Variants in TMEM117 observed in about 807,000 individuals in gnomAD.
The protein encoded by TMEM117 is transmembrane protein 117.
A neutral mutation model predicts 52.4 loss-of-function variants in TMEM117; 27 were observed. That is an observed-to-expected ratio of 0.51 (90% confidence interval 0.38 to 0.71). TMEM117 has a LOEUF of 0.71. TMEM117 is among the 30% of genes least tolerant of loss of function. The pLI, the probability that TMEM117 is intolerant of heterozygous loss-of-function variation, is 0.00. For synonymous variants in TMEM117, 215 were observed against 206.3 expected (o/e 1.04, Z -0.36); for missense variants, 556 against 630.5 (o/e 0.88, Z 1.26).
At chr12:44,261,334 C>T (rs925224598) in intron 5 of TMEM117, among the ~76,000 whole-genome samples, 1 of 152,134 alleles carries the variant, frequency 6.6e-6, no homozygotes, top group South Asian at 2.1e-4. Context: ...CACGACTCTG[C>T]CTAACTGGAA....
intron 5 of TMEM117, among the ~76,000 whole-genome samples, chr12:44,243,245 T>C (rs1950086274): frequency 6.6e-6 from 1 of 151,802 alleles, no homozygotes; most frequent in South Asian, 2.1e-4. Context: ...CTCTCTTGTA[T>C]TTATTTGTAT....
At chr12:43,905,177 T>TG (rs1347915098) in intron 2 of TMEM117, among the ~76,000 whole-genome samples, 25 of 152,172 alleles carry the variant, frequency 1.6e-4, no homozygotes, top group African/African-American at 5.8e-4. Context: ...AGCATGTCTG[T>TG]GCCTGTGTAT....
chr12:43,844,780 T>C lies in TMEM117; in HGVS notation c.129T>C (p.Asn43=), dbSNP rs1809069527. 6.2e-7 allele frequency: 1 copy of C among 1,614,186 alleles called. No individual in the cohort carries two copies. The highest frequency in any genetic ancestry group is 1.7e-5 in the Admixed American group (1 of 60,020). The change falls in exon 2 of 8, where the codon AAT becomes AAC. Residue 43 remains asparagine (N), a synonymous_variant. Transcript: ENST00000266534. ...DPVSHSQTEA[N]VIVVGNCFSF... ...TTTCTCATAGCCAAACAGAAGCCAA[T>C]GTTATTGTTGTTGGAAACTGTTTTT... is the stretch of plus-strand genomic sequence containing the variant.
chr12:44,221,766 G>A (rs1456139630), intron 5 of TMEM117, among the ~76,000 whole-genome samples: 1 of 150,868 alleles, frequency 6.6e-6, no homozygotes, highest in South Asian at 2.1e-4. Context: ...TGGCATGATC[G>A]CGGCTCACTG....
intron 4 of TMEM117, among the ~76,000 whole-genome samples, chr12:44,167,426 T>C (rs1242116949): frequency 6.6e-6 from 1 of 152,048 alleles, no homozygotes; most frequent in Non-Finnish European, 1.5e-5. Context: ...CCCAGCACTT[T>C]GGGAGGCCGA....
chr12:43,906,004 C>T (rs1174510324), intron 2 of TMEM117, among the ~76,000 whole-genome samples: 5 of 152,212 alleles, frequency 3.3e-5, no homozygotes, highest in Admixed American at 2.6e-4. Context: ...TTTATACCAG[C>T]ATGCTAAACA....
At chr12:44,104,676 A>AT (rs1947922390) in intron 3 of TMEM117, among the ~76,000 whole-genome samples, 1 of 151,970 alleles carries the variant, frequency 6.6e-6, no homozygotes, top group African/African-American at 2.4e-5. Context: ...CTGGCAACAA[A>AT]TTCCCTCCAT....
At chr12:44,295,348 C>T (rs1246802418) in intron 5 of TMEM117, among the ~76,000 whole-genome samples, 7 of 152,028 alleles carry the variant, frequency 4.6e-5, no homozygotes, top group East Asian at 1.9e-4. Context: ...GGACTGCAGG[C>T]GCAGGCCACT....
upstream of TMEM117, among the ~76,000 whole-genome samples, chr12:43,831,518 A>G (rs1324810048): frequency 1.3e-5 from 2 of 151,602 alleles, no homozygotes; most frequent in Admixed American, 1.3e-4. Context: ...TGAACGGAAA[A>G]ACATCATGTC....
chr12:44,030,485 A>C (rs1466750748), intron 3 of TMEM117, among the ~76,000 whole-genome samples: 1 of 152,238 alleles, frequency 6.6e-6, no homozygotes, highest in Non-Finnish European at 1.5e-5. Flanking sequence ...AGTAAAAGTC[A>C]CTAAGAGTTA....
At position 44,028,485 on chromosome 12, in the gene TMEM117, C is replaced by G. The variant is rs139085165; in HGVS notation, c.410+84143C>G. On this transcript the variant is annotated intron_variant, in intron 3 of 7. Transcript: ENST00000266534. ...CAGCACAAAATACAGGTCATAAAGA[C>G]TTTGCTAATAAAACAGTTTGCAGTA... Among the ~76,000 whole-genome samples, 1,157 of 152,262 alleles carry G rather than the reference C, an allele frequency of 7.6e-3. 10 individuals carry two copies. Among genetic ancestry groups the G allele is most frequent in the African/African-American group, 0.026 (1,098 of 41,560 alleles).
chr12:44,188,804 C>T (rs1949313177), intron 4 of TMEM117, among the ~76,000 whole-genome samples: 1 of 151,968 alleles, frequency 6.6e-6, no homozygotes, highest in African/African-American at 2.4e-5. Flanking sequence ...TATTATGGAA[C>T]TTATTTATTG....
intron 2 of TMEM117, among the ~76,000 whole-genome samples, chr12:43,884,009 C>T (rs1267197158): frequency 1.3e-5 from 2 of 151,750 alleles, no homozygotes; most frequent in Non-Finnish European, 2.9e-5. Flanking sequence ...TGATGGCTCA[C>T]GCCTGTAGTC....
chr12:44,262,544 A>C (rs1950332212), intron 5 of TMEM117, among the ~76,000 whole-genome samples: 1 of 152,218 alleles, frequency 6.6e-6, no homozygotes, highest in Non-Finnish European at 1.5e-5. Context: ...TAGCCACCAG[A>C]GTAAAAAAGT....
chr12:44,224,151 C>T (rs1949828118), intron 5 of TMEM117, among the ~76,000 whole-genome samples: 2 of 152,136 alleles, frequency 1.3e-5, no homozygotes, highest in South Asian at 4.1e-4. Flanking sequence ...CACACCCACA[C>T]ACACACATGC....
intron 3 of TMEM117, among the ~76,000 whole-genome samples, chr12:44,111,704 C>G (rs1476797189): frequency 1.4e-5 from 2 of 141,144 alleles, no homozygotes; most frequent in South Asian, 4.3e-4. Context: ...GTGGAGAGTT[C>G]TGTAGATGTC....
upstream of TMEM117, among the ~76,000 whole-genome samples, chr12:43,832,593 G>T (rs1942989249): frequency 1.3e-5 from 2 of 152,226 alleles, no homozygotes; most frequent in Admixed American, 6.5e-5. Context: ...TTTATAGCGA[G>T]TAAGCAGTGG....
intron 3 of TMEM117, among the ~76,000 whole-genome samples, chr12:44,123,174 T>C (rs1409777987): frequency 6.6e-6 from 1 of 152,254 alleles, no homozygotes; most frequent in Admixed American, 6.5e-5. Flanking sequence ...TTGAGCTTTT[T>C]TTCATGTTTG....
At chr12:44,280,424 CA>C (rs1366657535) in intron 5 of TMEM117, among the ~76,000 whole-genome samples, 1 of 152,182 alleles carries the variant, frequency 6.6e-6, no homozygotes, top group Non-Finnish European at 1.5e-5. Flanking sequence ...CATTTCCTTT[CA>C]AATTTGTCTT....
Sources: gnomAD v4.1 joint callset for allele counts (sites outside exome capture counted in the v4.1 genomes callset) on GRCh38, gnomAD v4.1.1 for gene constraint, MANE v1.5 for transcripts, NCBI Gene and HGNC (gene_info 2026-07-23, HGNC 2026-07-21) for gene names.